CDC7: variants seen among roughly 807,000 people sequenced by gnomAD.
CDC7 encodes cell division cycle 7, also known as cell division cycle 7-related protein kinase.
CDC7 carries 34 observed loss-of-function variants against 53.5 expected under a neutral mutation model. The observed-to-expected ratio is 0.64, with a 90% CI of 0.48 to 0.85. The LOEUF is 0.85. Among genes scored for constraint, CDC7 ranks in the 40% least tolerant of loss-of-function variants. The pLI, the probability that CDC7 is intolerant of heterozygous loss-of-function variation, is 0.00. For synonymous variants in CDC7, 211 were observed against 222.8 expected (o/e 0.95, Z 0.47); for missense variants, 594 against 679.7 (o/e 0.87, Z 1.40).
At position 91,513,967 on chromosome 1, in the gene CDC7, C is replaced by G. The variant is rs1292797298; in HGVS notation, c.842C>G (p.Ser281Cys). The G allele has an allele frequency of 6.2e-7, 1 of 1,611,846 alleles. No individual in the cohort carries two copies. The highest frequency in any genetic ancestry group is 1.3e-5 in the African/African-American group (1 of 74,954). The change falls in exon 8 of 12, where the codon TCT becomes TGT. Residue 281 changes from serine (S) to cysteine (C), a missense_variant. Physicochemically the swap from Ser to Cys is moderately radical, Grantham distance 112. Coordinates refer to ENST00000234626, the MANE Select transcript of CDC7 (RefSeq NM_003503.4). ...TTGTAGGAGGGATCTGTAGGCCTTTCTGTCCAGCGCTCTGTTTTTGGAGAA... is the reference window on the plus strand; with the variant it reads ...TTGTAGGAGGGATCTGTAGGCCTTTGTGTCCAGCGCTCTGTTTTTGGAGAA... ...KDGKEGSVGL[S>C]VQRSVFGERN...
chr1:91,516,723 A>G (rs146868652), intron 10 of CDC7, among the ~76,000 whole-genome samples: 10 of 152,350 alleles, frequency 6.6e-5, no homozygotes, highest in African/African-American at 2.4e-4. Flanking sequence ...AAGTTAGCAT[A>G]GAGGCATGAG....
At chr1:91,509,828 A>G (rs1275663672) in intron 4 of CDC7, among the ~76,000 whole-genome samples, 1 of 152,068 alleles carries the variant, frequency 6.6e-6, no homozygotes, top group Non-Finnish European at 1.5e-5. Flanking sequence ...TAGTTTATCA[A>G]ATTTGTCTCA....
intron 6 of CDC7, among the ~76,000 whole-genome samples, chr1:91,512,854 A>G (rs922571169): frequency 4.6e-5 from 7 of 151,974 alleles, no homozygotes; most frequent in African/African-American, 1.7e-4. Flanking sequence ...TTGTGGGACA[A>G]CTCTTAATTT....
chr1:91,514,149 A>T (rs1249665042), intron 8 of CDC7, 106 bp downstream of exon 8: 2 of 674,060 alleles, frequency 3.0e-6, no homozygotes, highest in East Asian at 3.2e-5. Flanking sequence ...TTTAAACTAG[A>T]GTTTGGCTTT....
chr1:91,515,520 C>G (rs904408095), intron 9 of CDC7, among the ~76,000 whole-genome samples: 2 of 152,046 alleles, frequency 1.3e-5, no homozygotes, highest in Non-Finnish European at 2.9e-5. Flanking sequence ...TCTATTTTTT[C>G]TATTATGGCT....
At chr1:91,501,506 C>A in intron 1 of CDC7, 148 bp from the exon 2 acceptor site, 1 of 521,880 alleles carries the variant, frequency 1.9e-6, no homozygotes, top group South Asian at 3.1e-5. Context: ...ACATGGAATT[C>A]CTTAGACAAG....
At chr1:91,501,385 C>G (rs188316217) in intron 1 of CDC7, 18 of 265,940 alleles carry the variant, frequency 6.8e-5, no homozygotes, top group Non-Finnish European at 9.3e-5. Flanking sequence ...CTGGCTGTGC[C>G]GGACTGGCAG....
intron 8 of CDC7, among the ~76,000 whole-genome samples, chr1:91,514,404 A>G (rs991855612): frequency 6.6e-6 from 1 of 152,318 alleles, no homozygotes; most frequent in African/African-American, 2.4e-5. Flanking sequence ...ATCATCATCA[A>G]TGTAGATGAT....
At chr1:91,515,081 G>C in intron 9 of CDC7, 84 bp downstream of exon 9, 1 of 1,179,416 alleles carries the variant, frequency 8.5e-7, no homozygotes, top group Non-Finnish European at 1.2e-6. Flanking sequence ...TTTTGTGAGT[G>C]CAAGGGATCA....
intron 4 of CDC7, among the ~76,000 whole-genome samples, chr1:91,510,200 CA>C (rs917707923): frequency 6.7e-6 from 1 of 148,992 alleles, no homozygotes; most frequent in African/African-American, 2.5e-5. Flanking sequence ...GCCTGGTCAA[CA>C]AAACAAGACC....
chr1:91,501,897 A>G (rs13447460), intron 2 of CDC7, 66 bp downstream of exon 2: 20,434 of 1,109,548 alleles, frequency 0.018, 306 homozygotes, highest in African/African-American at 0.049. Flanking sequence ...TGTGTTTTCA[A>G]TTCCTCTCAA....
intron 10 of CDC7, among the ~76,000 whole-genome samples, chr1:91,518,926 T>A (rs1391337532): frequency 2.6e-5 from 4 of 151,876 alleles, no homozygotes; most frequent in Admixed American, 2.6e-4. Flanking sequence ...CTGGATGTGG[T>A]AGTGTGCATC....
chr1:91,508,242 T>G lies in CDC7; in HGVS notation c.200-20T>G. ...TTTTTAAAAACCAGATATTGAAAAA[T>G]TTAATAAATTGTTTTACAGGCACTT... On this transcript the variant is annotated intron_variant, in intron 3 of 11. Coordinates refer to ENST00000234626, the MANE Select transcript of CDC7 (RefSeq NM_003503.4). The G allele has an allele frequency of 6.4e-7, 1 of 1,564,260 alleles. No homozygotes were observed. The highest frequency in any genetic ancestry group is 8.6e-7 in the Non-Finnish European group (1 of 1,159,700).
rs1181498189 is a variant in CDC7 at position 91,501,708 on chromosome 1, T to C, written c.-9T>C. ...CTTAGCTGGCATTTTGCATCTCAAT[T>C]GGCTTGTGATGGAGGCGTCTTTGGG... is the stretch of plus-strand genomic sequence containing the variant. On this transcript the variant is annotated 5_prime_UTR_variant, in exon 2 of 12. Coordinates refer to ENST00000234626, the MANE Select transcript of CDC7 (RefSeq NM_003503.4). 3 of 1,601,738 alleles carry C rather than the reference T, an allele frequency of 1.9e-6. No individual in the cohort carries two copies. Among genetic ancestry groups the C allele is most frequent in the South Asian group, 2.2e-5 (2 of 90,828 alleles).
At chr1:91,503,679 T>G (rs1302039848) in intron 2 of CDC7, among the ~76,000 whole-genome samples, 1 of 152,236 alleles carries the variant, frequency 6.6e-6, no homozygotes, top group African/African-American at 2.4e-5. Flanking sequence ...ATTTTTCTGA[T>G]AAACATGATT....
intron 4 of CDC7, among the ~76,000 whole-genome samples, chr1:91,510,617 T>C (rs564529737): frequency 1.3e-5 from 2 of 152,308 alleles, no homozygotes; most frequent in Non-Finnish European, 2.9e-5. Context: ...TTCTATATTT[T>C]TAACTGTCTC....
chr1:91,517,916 C>T (rs13447527), intron 10 of CDC7, among the ~76,000 whole-genome samples: 31,079 of 151,108 alleles, frequency 0.21, 3,285 homozygotes, highest in South Asian at 0.26. Context: ...GCCAATATGG[C>T]GAAATCCCGT....
intron 10 of CDC7, among the ~76,000 whole-genome samples, chr1:91,517,152 C>A (rs546520670): frequency 6.6e-6 from 1 of 152,038 alleles, no homozygotes; most frequent in African/African-American, 2.4e-5. Context: ...CAAGGTCAGA[C>A]CACAGTTGTT....
chr1:91,502,894 A>C (rs1420183103), intron 2 of CDC7, among the ~76,000 whole-genome samples: 2 of 152,192 alleles, frequency 1.3e-5, no homozygotes, highest in Non-Finnish European at 2.9e-5. Flanking sequence ...TTTCATGGAT[A>C]CTGTTCCTCT....
Sources: allele counts gnomAD v4.1 joint callset (sites outside exome capture counted in the v4.1 genomes callset), GRCh38; gene constraint gnomAD v4.1.1; transcripts MANE v1.5; gene names NCBI Gene and HGNC (gene_info 2026-07-23, HGNC 2026-07-21).